The following AGBL1 variants were observed in gnomAD, a reference collection of about 807,000 sequenced individuals.
The protein encoded by AGBL1 is cytosolic carboxypeptidase 4.
A neutral mutation model predicts 118.9 loss-of-function variants in AGBL1; 130 were observed. That is an observed-to-expected ratio of 1.09 (90% CI 0.95 to 1.26). The LOEUF (loss-of-function observed/expected upper bound fraction) is 1.26, where lower values mean the gene tolerates loss of function less well. Among genes scored for constraint, AGBL1 ranks in the 50% most tolerant of loss-of-function variants. AGBL1 has a pLI of 0.00. For synonymous variants in AGBL1, 555 were observed against 478.9 expected, an observed-to-expected ratio of 1.16 and a Z score of -2.08; for missense variants, 1,584 against 1,298.1, an observed-to-expected ratio of 1.22 and a Z score of -3.38.
chr15:86,835,981 A>T, intron 22 of AGBL1, among the ~76,000 whole-genome samples: 1 of 152,202 alleles, frequency 6.6e-6, no homozygotes, highest in East Asian at 1.9e-4. Context: ...CTTATCTTTC[A>T]TCAAGTCTGC....
chr15:86,735,602 C>CTG (rs35147328), intron 22 of AGBL1, among the ~76,000 whole-genome samples: 35,535 of 141,336 alleles, frequency 0.25, 4,470 homozygotes, highest in Non-Finnish European at 0.3. Context: ...GAGATACAGA[C>CTG]TGTGTGTGTG....
chr15:86,877,283 G>A (rs762324207), intron 22 of AGBL1, among the ~76,000 whole-genome samples: 4 of 152,156 alleles, frequency 2.6e-5, no homozygotes, highest in Non-Finnish European at 5.9e-5. Context: ...CAACCTGGAT[G>A]GAAAGAGTAT....
chr15:86,794,994 CAA>C (rs1158188213), intron 22 of AGBL1, among the ~76,000 whole-genome samples: 7 of 151,874 alleles, frequency 4.6e-5, no homozygotes, highest in Non-Finnish European at 1.0e-4. Context: ...AGAAAATTGC[CAA>C]AGGGGGAAAA....
chr15:86,480,094 G>C (rs1363987990), intron 18 of AGBL1, among the ~76,000 whole-genome samples: 1 of 152,100 alleles, frequency 6.6e-6, no homozygotes, highest in East Asian at 1.9e-4. Context: ...TGTGGGGTGG[G>C]GAGAGGGGGG....
At chr15:86,454,127 A>G (rs563011303) in intron 18 of AGBL1, among the ~76,000 whole-genome samples, 2 of 152,244 alleles carry the variant, frequency 1.3e-5, no homozygotes, top group East Asian at 3.9e-4. Context: ...TTCACCATGT[A>G]TGGAAGACTG....
intron 18 of AGBL1, among the ~76,000 whole-genome samples, chr15:86,478,221 G>A (rs181557622): frequency 2.0e-5 from 3 of 152,144 alleles, no homozygotes; most frequent in Non-Finnish European, 2.9e-5. Flanking sequence ...AGTGTTGGAA[G>A]TTCTGACCAG....
chr15:86,711,911 T>A (rs957630538), intron 22 of AGBL1, among the ~76,000 whole-genome samples: 1 of 152,214 alleles, frequency 6.6e-6, no homozygotes, highest in African/African-American at 2.4e-5. Context: ...CACATATGTC[T>A]TATATGGACA....
chr15:86,560,759 G>C (rs913673427), intron 21 of AGBL1, among the ~76,000 whole-genome samples: 2 of 152,196 alleles, frequency 1.3e-5, no homozygotes, highest in Non-Finnish European at 2.9e-5. Flanking sequence ...CCCACCAACA[G>C]TGTAAAACAG....
chr15:86,193,982 C>A (rs1429026468), intron 5 of AGBL1, among the ~76,000 whole-genome samples: 1 of 152,154 alleles, frequency 6.6e-6, no homozygotes, highest in Non-Finnish European at 1.5e-5. Context: ...AATGAGACTG[C>A]CAGGCATGAG....
chr15:86,466,286 C>T (rs563531762), intron 18 of AGBL1, among the ~76,000 whole-genome samples: 1 of 152,230 alleles, frequency 6.6e-6, no homozygotes, highest in African/African-American at 2.4e-5. Context: ...ATCGATTTGT[C>T]TATTGATACT....
chr15:86,849,174 T>G (rs1184999568), intron 22 of AGBL1, among the ~76,000 whole-genome samples: 1 of 152,226 alleles, frequency 6.6e-6, no homozygotes, highest in Non-Finnish European at 1.5e-5. Context: ...GAGAAAAGAT[T>G]GGTGCTGTAA....
chr15:86,578,718 T>C (rs1012805754), intron 21 of AGBL1, among the ~76,000 whole-genome samples: 1 of 150,906 alleles, frequency 6.6e-6, no homozygotes, highest in Non-Finnish European at 1.5e-5. Flanking sequence ...CTGATGGTTA[T>C]TATAAGGGGG....
intron 23 of AGBL1, among the ~76,000 whole-genome samples, chr15:86,966,748 C>T (rs938848760): frequency 1.3e-5 from 2 of 151,882 alleles, no homozygotes; most frequent in African/African-American, 4.8e-5. Context: ...GGCTTGGTTC[C>T]AAGTCTTTGC....
intron 6 of AGBL1, among the ~76,000 whole-genome samples, chr15:86,245,561 A>G (rs2078706959): frequency 6.6e-6 from 1 of 152,224 alleles, no homozygotes; most frequent in Non-Finnish European, 1.5e-5. Context: ...CTGTAGCCCA[A>G]GGAGCTTAAC....
At chr15:86,703,553 G>C (rs2086396050) in intron 22 of AGBL1, among the ~76,000 whole-genome samples, 1 of 152,068 alleles carries the variant, frequency 6.6e-6, no homozygotes, top group South Asian at 2.1e-4. Context: ...CTGTTTTTCT[G>C]TTACGGTTTG....
chr15:86,820,268 C>A (rs1042109943), intron 22 of AGBL1, among the ~76,000 whole-genome samples: 1 of 152,124 alleles, frequency 6.6e-6, no homozygotes, highest in African/African-American at 2.4e-5. Context: ...AAAGCAATGG[C>A]AACAAAAGCC....
At chr15:86,724,365 T>A (rs1596408398) in intron 22 of AGBL1, among the ~76,000 whole-genome samples, 1 of 151,628 alleles carries the variant, frequency 6.6e-6, no homozygotes, top group African/African-American at 2.4e-5. Context: ...GGGCTACCGG[T>A]GTGGATCTTG....
intron 9 of AGBL1, among the ~76,000 whole-genome samples, chr15:86,262,077 G>GTTTTTTTT (rs1491268138): frequency 2.9e-4 from 1 of 3,496 alleles, no homozygotes; most frequent in African/African-American, 5.9e-4. Context: ...TGCATAGCTG[G>GTTTTTTTT]CTTTTTTTTT....
In AGBL1 at chr15:86,215,523, C is replaced by T. The variant is rs114504301; in HGVS notation, c.489-9391C>T. Reference sequence around the variant, plus strand: ...TTTCTGAAATCTCTCCAAAAAAGCTCGCTAGTGCCAGTGCTCAATGTGGTG... The same window carrying T: ...TTTCTGAAATCTCTCCAAAAAAGCTTGCTAGTGCCAGTGCTCAATGTGGTG... On this transcript the variant is annotated intron_variant, in intron 5 of 22. Coordinates refer to ENST00000614907, the MANE Select transcript of AGBL1 (RefSeq NM_001386094.1). Among the ~76,000 whole-genome samples the T allele has an allele frequency of 8.6e-3, 1,307 of 152,158 alleles. 15 individuals carry two copies. The highest frequency in any genetic ancestry group is 0.03 in the African/African-American group (1,262 of 41,490).
Sources: gnomAD v4.1 joint callset for allele counts (sites outside exome capture counted in the v4.1 genomes callset) on GRCh38, gnomAD v4.1.1 for gene constraint, MANE v1.5 for transcripts, NCBI Gene and HGNC (gene_info 2026-07-23, HGNC 2026-07-21) for gene names.